The following CD33 variants were observed in gnomAD, a reference collection of about 807,000 sequenced individuals.
CD33 encodes the protein CD33 molecule.
In CD33, 25 loss-of-function variants were observed where a neutral mutation model predicts 31.4. The observed-to-expected ratio is 0.80, with a 90% confidence interval of 0.58 to 1.11. The LOEUF (loss-of-function observed/expected upper bound fraction) is 1.11, where lower values mean the gene tolerates loss of function less well. Among genes scored for constraint, CD33 ranks in the 50% most tolerant of loss-of-function variants. The pLI is 0.00. For synonymous variants in CD33, 176 were observed against 180.6 expected (o/e 0.97, Z 0.20); for missense variants, 407 against 448.1 (o/e 0.91, Z 0.83).
intron 4 of CD33, among the ~76,000 whole-genome samples, chr19:51,231,559 T>C (rs1599871340): frequency 6.6e-6 from 1 of 152,008 alleles, no homozygotes; most frequent in Admixed American, 6.5e-5. Context: ...ATATTCCTGG[T>C]TCCTTACTTC....
chr19:51,221,174 C>T (rs1330057910), upstream of CD33, among the ~76,000 whole-genome samples: 2 of 152,220 alleles, frequency 1.3e-5, no homozygotes, highest in African/African-American at 4.8e-5. Context: ...GCCAGCACCA[C>T]ATTTCTTGCA....
At chr19:51,226,204 C>G (rs1981017529) in intron 3 of CD33, 105 bp from the exon 4 acceptor site, 1 of 1,492,110 alleles carries the variant, frequency 6.7e-7, no homozygotes, top group Admixed American at 1.7e-5. Flanking sequence ...GACATGAGCC[C>G]TGTCCCTTCT....
rs1981696734 is a variant in CD33 at position 51,235,231 on chromosome 19, T to C, written c.820T>C (p.Cys274Arg). The part of the protein sequence containing the change: ...GAGVTALLAL[C>R]LCLIFFIVKT... Reference sequence around the variant, plus strand: ...TGGTGTTACAGCCCTGCTCGCTCTTTGTCTCTGCCTCATCTTCTTCATGTG... The same window carrying C: ...TGGTGTTACAGCCCTGCTCGCTCTTCGTCTCTGCCTCATCTTCTTCATGTG... The change falls in exon 5 of 7, where the codon TGT (cysteine) becomes CGT (arginine). Residue 274 changes from cysteine (C) to arginine (R), a missense_variant. By Grantham distance (180) the Cys-to-Arg change is radical. Coordinates refer to ENST00000262262, the MANE Select transcript of CD33 (RefSeq NM_001772.4). 1 of 1,614,034 alleles carries C rather than the reference T, an allele frequency of 6.2e-7. No homozygotes were observed. Among genetic ancestry groups the C allele is most frequent in the South Asian group, 1.1e-5 (1 of 91,090 alleles).
In CD33 at chr19:51,225,901, A is replaced by T. The variant is rs1281321117; in HGVS notation, c.517A>T (p.Thr173Ser). ...TGTGTCCTGGGCCTGTGAGCAGGGA[A>T]CACCCCCGATCTTCTCCTGGTTGTC... The part of the protein sequence containing the change: ...CSVSWACEQG[T>S]PPIFSWLSAA... Residue 173 changes from threonine to serine, a missense_variant, in exon 3 of 7, where the codon ACA becomes TCA. Physicochemically the swap from Thr to Ser is moderately conservative, Grantham distance 58 (BLOSUM62 1). Transcript: ENST00000262262. 1.4e-5 allele frequency: 22 copies of T among 1,614,002 alleles called. No homozygotes were observed. Among genetic ancestry groups the T allele is most frequent in the Non-Finnish European group, 1.8e-5 (21 of 1,179,992 alleles).
At chr19:51,225,705 C>A in intron 2 of CD33, 98 bp from the exon 3 acceptor site, 1 of 1,537,968 alleles carries the variant, frequency 6.5e-7, no homozygotes, top group Non-Finnish European at 8.8e-7. Flanking sequence ...TAAAGCCTGT[C>A]GTGCTTAGCG....
At chr19:51,219,663 G>A in the CD33 span, among the ~76,000 whole-genome samples, 1 of 152,172 alleles carries the variant, frequency 6.6e-6, no homozygotes, top group Non-Finnish European at 1.5e-5. Flanking sequence ...CTGTGGGTTT[G>A]TCATAGATGG....
At chr19:51,214,032 G>A in the CD33 span, among the ~76,000 whole-genome samples, 5 of 148,862 alleles carry the variant, frequency 3.4e-5, no homozygotes, top group African/African-American at 9.9e-5. Context: ...GATAATTTTC[G>A]TATTTTTAGT....
the CD33 span, chr19:51,211,340 A>G: frequency 2.2e-3 from 3,506 of 1,559,220 alleles, 61 homozygotes; most frequent in African/African-American, 0.039. Flanking sequence ...TTCTCAGTTC[A>G]TGGTTACTGG....
At chr19:51,219,796 C>T in the CD33 span, among the ~76,000 whole-genome samples, 148 of 152,168 alleles carry the variant, frequency 9.7e-4, 1 homozygote, top group African/African-American at 3.3e-3. Flanking sequence ...ATGGTTTTTG[C>T]TTTTAATTCT....
chr19:51,226,165 G>T, intron 3 of CD33, 84 bp downstream of exon 3: 1 of 1,551,330 alleles, frequency 6.4e-7, no homozygotes, highest in Non-Finnish European at 8.8e-7. Context: ...TAGTGTCCTG[G>T]AGGCCTGGCT....
chr19:51,227,454 A>G (rs370251657), intron 4 of CD33, among the ~76,000 whole-genome samples: 1 of 151,922 alleles, frequency 6.6e-6, no homozygotes, highest in Non-Finnish European at 1.5e-5. Flanking sequence ...TTTGATTTGC[A>G]TTTCCCTGGT....
intron 4 of CD33, among the ~76,000 whole-genome samples, chr19:51,228,074 T>C (rs1442721749): frequency 6.7e-6 from 1 of 149,150 alleles, no homozygotes; most frequent in Non-Finnish European, 1.5e-5. Flanking sequence ...TATTGGTGTA[T>C]GTATCTGCTT....
upstream of CD33, among the ~76,000 whole-genome samples, chr19:51,223,679 A>G (rs1980797325): frequency 6.6e-6 from 1 of 152,212 alleles, no homozygotes. Context: ...ATGAATGGAA[A>G]AGAAGTTTTT....
upstream of CD33, among the ~76,000 whole-genome samples, chr19:51,222,585 A>C (rs1980733932): frequency 6.6e-6 from 1 of 152,224 alleles, no homozygotes; most frequent in African/African-American, 2.4e-5. Flanking sequence ...AGTTTCAAAA[A>C]ATATTATGCT....
In CD33 at chr19:51,235,255, T is replaced by C; in HGVS notation, c.842+2T>C. ...TTGTCTCTGCCTCATCTTCTTCATG[T>C]GAGCATTTTCTCTGGGTCAGGCATG... On this transcript the variant is annotated splice_donor_variant, in intron 5 of 6. Transcript: ENST00000262262. LOFTEE classifies it high-confidence loss of function. 1 of 1,613,496 alleles carries C rather than the reference T, an allele frequency of 6.2e-7. No homozygotes were observed. Among genetic ancestry groups the C allele is most frequent in the Non-Finnish European group, 8.5e-7 (1 of 1,179,468 alleles).
intron 4 of CD33, among the ~76,000 whole-genome samples, chr19:51,228,326 G>A (rs188620440): frequency 8.5e-5 from 13 of 152,188 alleles, no homozygotes; most frequent in African/African-American, 3.1e-4. Flanking sequence ...ATAGAGCCAG[G>A]TTTGAATCTG....
chr19:51,229,287 G>T (rs946545987), intron 4 of CD33, among the ~76,000 whole-genome samples: 1 of 152,064 alleles, frequency 6.6e-6, no homozygotes, highest in Non-Finnish European at 1.5e-5. Context: ...TGTTGGATTT[G>T]ATTTGCTACT....
At chr19:51,218,956 G>A in the CD33 span, among the ~76,000 whole-genome samples, 2 of 152,196 alleles carry the variant, frequency 1.3e-5, no homozygotes, top group Non-Finnish European at 2.9e-5. Context: ...GTCAGGTAAT[G>A]TGATGTCTCT....
chr19:51,211,124 C>T, the CD33 span: 1 of 1,594,800 alleles, frequency 6.3e-7, no homozygotes, highest in African/African-American at 1.3e-5. Flanking sequence ...ACTGCTGCTA[C>T]TGCTGCCCCT....
Sources: allele counts gnomAD v4.1 joint callset (sites outside exome capture counted in the v4.1 genomes callset), GRCh38; gene constraint gnomAD v4.1.1; transcripts MANE v1.5; gene names NCBI Gene and HGNC (gene_info 2026-07-23, HGNC 2026-07-21).